Variants in CASP4 observed in about 807,000 individuals in gnomAD.
CASP4 encodes the protein caspase-4.
A neutral mutation model predicts 41.3 loss-of-function variants in CASP4; 29 were observed. The ratio of observed to expected loss-of-function variants is 0.70; its 90% CI spans 0.52 to 0.96. CASP4 has a LOEUF of 0.96. CASP4 is among the 40% of genes least tolerant of loss of function. The probability of loss-of-function intolerance (pLI) is 0.00; values close to 1 mark genes in which losing one functional copy is unlikely to be tolerated. For synonymous variants in CASP4, 185 were observed against 158.4 expected (o/e 1.17, Z -1.26); for missense variants, 447 against 460.6 (o/e 0.97, Z 0.27).
chr11:104,967,293 A>G (rs1860995239), intron 1 of CASP4, among the ~76,000 whole-genome samples: 1 of 152,226 alleles, frequency 6.6e-6, no homozygotes, highest in African/African-American at 2.4e-5. Flanking sequence ...GTGAAGTTAG[A>G]CATAAACCCC....
At chr11:104,967,688 T>C (rs1861005891) in intron 1 of CASP4, among the ~76,000 whole-genome samples, 1 of 152,178 alleles carries the variant, frequency 6.6e-6, no homozygotes, top group African/African-American at 2.4e-5. Context: ...ATTGAGCTAT[T>C]CGCGGTGAGG....
rs1308575841 is a variant in CASP4 at position 104,947,158 on chromosome 11, A to AC, written c.959_960insG (p.Ile321TyrfsTer31). 1 of 1,612,690 alleles carries AC rather than the reference A, an allele frequency of 6.2e-7. No homozygotes were observed. Among genetic ancestry groups the AC allele is most frequent in the Non-Finnish European group, 8.5e-7 (1 of 1,178,928 alleles). On this transcript the variant is annotated frameshift_variant, in exon 7 of 9. Coordinates refer to ENST00000444739, the MANE Select transcript of CASP4 (RefSeq NM_001225.4). LOFTEE classifies it high-confidence loss of function. ...ATGTGATGAGTTGTGTGATGAAGAT[A>AC]GAGCCCATTGTGCTGTCTCTCCAGG...
chr11:104,958,887 AGAGGCG>A (rs2134651759), intron 1 of CASP4, among the ~76,000 whole-genome samples: 1 of 140,236 alleles, frequency 7.1e-6, no homozygotes, highest in South Asian at 2.4e-4. Flanking sequence ...CTGGAACCCT[AGAGGCG>A]GAGGTTGCAG....
At chr11:104,946,182 C>T (rs965120631) in intron 7 of CASP4, among the ~76,000 whole-genome samples, 7 of 152,080 alleles carry the variant, frequency 4.6e-5, no homozygotes, top group Non-Finnish European at 8.8e-5. Context: ...AGAGGTGTAT[C>T]TTTCTTTTCC....
chr11:104,960,130 G>T (rs1450973102), intron 1 of CASP4, among the ~76,000 whole-genome samples: 1 of 152,038 alleles, frequency 6.6e-6, no homozygotes, highest in Non-Finnish European at 1.5e-5. Context: ...CTATTTAGGG[G>T]TCTCTGTATT....
intron 8 of CASP4, chr11:104,944,121 G>A (rs1332748187): frequency 6.6e-6 from 1 of 152,158 alleles, no homozygotes; most frequent in African/African-American, 2.4e-5. Flanking sequence ...AGTGATTGGT[G>A]ATCTGCATTG....
chr11:104,960,324 G>A (rs905784779), intron 1 of CASP4, among the ~76,000 whole-genome samples: 2 of 152,024 alleles, frequency 1.3e-5, no homozygotes, highest in African/African-American at 4.8e-5. Flanking sequence ...CTGTCTATCT[G>A]TCTATCCTTC....
chr11:104,949,662 T>C lies in CASP4; in HGVS notation c.662A>G (p.His221Arg). Residue 221 changes from histidine (H) to arginine (R), a missense_variant, in exon 5 of 9, where the codon CAT becomes CGT. Transcript: ENST00000444739. ...CAGCACATCTGGTTTTTTCTCATCA[T>C]GCACAGTTCCGCAGATTCCCTCCAG... ...GILEGICGTV[H>R]DEKKPDVLLY... 3.1e-6 allele frequency: 5 copies of C among 1,614,006 alleles called. No individual in the cohort carries two copies. The highest frequency in any genetic ancestry group is 4.2e-6 in the Non-Finnish European group (5 of 1,179,916).
At chr11:104,964,662 C>T (rs1347591758) in intron 1 of CASP4, among the ~76,000 whole-genome samples, 1 of 152,168 alleles carries the variant, frequency 6.6e-6, no homozygotes, top group Non-Finnish European at 1.5e-5. Context: ...GGGAATCTGG[C>T]TTCATACCTT....
At chr11:104,947,448 G>A in intron 6 of CASP4, 1 of 248,624 alleles carries the variant, frequency 4.0e-6, no homozygotes, top group Non-Finnish European at 7.6e-6. Context: ...TGATTCTTGG[G>A]ATTGGCTTTC....
intron 6 of CASP4, chr11:104,948,312 A>G (rs1231738736): frequency 5.6e-6 from 2 of 354,698 alleles, no homozygotes; most frequent in Non-Finnish European, 1.0e-5. Context: ...TAAAAAAAAC[A>G]GAATTCATCA....
At chr11:104,944,666 G>T in intron 8 of CASP4, 82 bp downstream of exon 8, 1 of 868,688 alleles carries the variant, frequency 1.2e-6, no homozygotes, top group Non-Finnish European at 1.9e-6. Flanking sequence ...CAAGTACTCA[G>T]CTGTCATTTG....
In CASP4 at chr11:104,942,986, G is replaced by GAA; in HGVS notation, c.*6-15_*6-14dup. ...TGCTTGTGGCTTCCTGCAGGGGAGA[G>GAA]AAAAAACAGAAGGTCAAGATGGTTA... On this transcript the variant is annotated splice_polypyrimidine_tract_variant and intron_variant, in intron 8 of 8. Coordinates refer to ENST00000444739, the MANE Select transcript of CASP4 (RefSeq NM_001225.4). The GAA allele has an allele frequency of 2.2e-6, 1 of 454,564 alleles. No homozygotes were observed. Among genetic ancestry groups the GAA allele is most frequent in the Non-Finnish European group, 4.4e-6 (1 of 226,802 alleles). The allele number at this position is 454,564 out of a possible 1,614,324, so 28.2% of individuals were successfully genotyped here.
chr11:104,957,102 G>A (rs1323893936), intron 1 of CASP4, among the ~76,000 whole-genome samples: 2 of 152,022 alleles, frequency 1.3e-5, no homozygotes, highest in Non-Finnish European at 1.5e-5. Context: ...AATTGGAAAG[G>A]AAGAAGTTTA....
At chr11:104,945,526 G>GA (rs1860437099) in intron 7 of CASP4, among the ~76,000 whole-genome samples, 1 of 152,104 alleles carries the variant, frequency 6.6e-6, no homozygotes, top group Middle Eastern at 3.2e-3. Flanking sequence ...AAAGTGCTGG[G>GA]ATTACAGGCG....
In CASP4 at chr11:104,950,972, C is replaced by G. The variant is rs1860596840; in HGVS notation, c.499G>C (p.Glu167Gln). The change falls in exon 4 of 9, where the codon GAG (glutamate) becomes CAG (glutamine). Residue 167 changes from glutamate to glutamine, a missense_variant. Glu to Gln is a conservative substitution (Grantham distance 29). Coordinates refer to ENST00000444739, the MANE Select transcript of CASP4 (RefSeq NM_001225.4). ...FDITGMKELL[E>Q]GLDYSVDVEE... ...ACATCTACACTATAGTCCAGACCCT[C>G]AAGTAGCTCCTTCATCCCTGTGATG... 5.6e-6 allele frequency: 9 copies of G among 1,613,424 alleles called. No homozygotes were observed. Among genetic ancestry groups the G allele is most frequent in the Non-Finnish European group, 7.6e-6 (9 of 1,179,586 alleles).
chr11:104,954,283 C>G (rs941083994), intron 2 of CASP4, among the ~76,000 whole-genome samples: 5 of 152,064 alleles, frequency 3.3e-5, no homozygotes, highest in African/African-American at 1.2e-4. Context: ...GGAGAGAGTT[C>G]CGGATGAGAG....
chr11:104,963,306 T>C (rs1273259193), intron 1 of CASP4, among the ~76,000 whole-genome samples: 1 of 152,178 alleles, frequency 6.6e-6, no homozygotes, highest in Non-Finnish European at 1.5e-5. Flanking sequence ...CTAAGATAAC[T>C]TTTGGTAGCC....
intron 4 of CASP4, 58 bp downstream of exon 4, chr11:104,950,867 T>A: frequency 9.2e-6 from 14 of 1,520,120 alleles, no homozygotes; most frequent in Non-Finnish European, 1.2e-5. Context: ...AGCTAGGTAG[T>A]TATTAGAAGG....
Sources: gnomAD v4.1 joint callset for allele counts (sites outside exome capture counted in the v4.1 genomes callset) on GRCh38, gnomAD v4.1.1 for gene constraint, MANE v1.5 for transcripts, NCBI Gene and HGNC (gene_info 2026-07-23, HGNC 2026-07-21) for gene names.